NRXN1: variants seen among roughly 807,000 people sequenced by gnomAD.
NRXN1 encodes the protein neurexin 1.
A neutral mutation model predicts 150.9 loss-of-function variants in NRXN1; 39 were observed. That is an observed-to-expected ratio of 0.26 (90% CI 0.20 to 0.34). NRXN1 has a LOEUF of 0.34. Among genes scored for constraint, NRXN1 ranks in the 10% least tolerant of loss-of-function variants. The pLI is 1.00. For synonymous variants in NRXN1, 924 were observed against 757.0 expected (o/e 1.22, Z -3.62); for missense variants, 1,815 against 1,949.9 (o/e 0.93, Z 1.30).
chr2:50,929,867 T>G (rs1416508197), intron 2 of NRXN1, among the ~76,000 whole-genome samples: 1 of 152,030 alleles, frequency 6.6e-6, no homozygotes, highest in Non-Finnish European at 1.5e-5. Flanking sequence ...TTAAAAAACC[T>G]CAATAGTCTG....
chr2:50,969,596 T>G (rs1157764915), intron 2 of NRXN1, among the ~76,000 whole-genome samples: 1 of 152,210 alleles, frequency 6.6e-6, no homozygotes, highest in African/African-American at 2.4e-5. Context: ...TATTTACTAT[T>G]TAAGCAGTTG....
intron 17 of NRXN1, among the ~76,000 whole-genome samples, chr2:50,243,046 G>A (rs2066165589): frequency 6.6e-6 from 1 of 151,698 alleles, no homozygotes; most frequent in Non-Finnish European, 1.5e-5. Context: ...CAGCAACATA[G>A]GTCAACAGAT....
chr2:50,767,734 C>T (rs1034907045), intron 5 of NRXN1, among the ~76,000 whole-genome samples: 1 of 152,002 alleles, frequency 6.6e-6, no homozygotes, highest in Non-Finnish European at 1.5e-5. Context: ...TGAGTTTGTT[C>T]AAATTCACCT....
chr2:50,725,498 C>T (rs927935850), intron 5 of NRXN1, among the ~76,000 whole-genome samples: 3 of 152,054 alleles, frequency 2.0e-5, no homozygotes, highest in African/African-American at 7.2e-5. Flanking sequence ...TCAGAAACAG[C>T]AAGTAAATTG....
At chr2:50,393,037 T>C (rs1158919928) in intron 17 of NRXN1, among the ~76,000 whole-genome samples, 1 of 152,026 alleles carries the variant, frequency 6.6e-6, no homozygotes, top group African/African-American at 2.4e-5. Context: ...AGAACTATAA[T>C]GGATAAATTG....
At chr2:49,927,970 T>C (rs953587259) in intron 22 of NRXN1, among the ~76,000 whole-genome samples, 11 of 152,148 alleles carry the variant, frequency 7.2e-5, no homozygotes, top group Non-Finnish European at 1.3e-4. Context: ...TGTTAATGTA[T>C]GTGTATGTCG....
chr2:50,934,960 C>T (rs1688300306), intron 2 of NRXN1, among the ~76,000 whole-genome samples: 1 of 152,090 alleles, frequency 6.6e-6, no homozygotes, highest in Non-Finnish European at 1.5e-5. Context: ...AAACGCTGAA[C>T]CTATTTTGAT....
At chr2:51,019,787 C>A (rs1172384517) in intron 2 of NRXN1, among the ~76,000 whole-genome samples, 1 of 151,966 alleles carries the variant, frequency 6.6e-6, no homozygotes, top group African/African-American at 2.4e-5. Context: ...TATTTCTAAA[C>A]ATTATAAAGA....
intron 5 of NRXN1, among the ~76,000 whole-genome samples, chr2:50,626,174 T>C (rs12613051): frequency 0.61 from 92,510 of 151,744 alleles, 28,428 homozygotes; most frequent in East Asian, 0.74. Flanking sequence ...TTGGAAAGAA[T>C]TTAGAGTTCT....
chr2:50,893,794 A>G (rs927506999), intron 5 of NRXN1, among the ~76,000 whole-genome samples: 1 of 152,058 alleles, frequency 6.6e-6, no homozygotes, highest in Non-Finnish European at 1.5e-5. Flanking sequence ...TTTTTTCAAC[A>G]ATTTATTAAA....
chr2:49,988,982 A>G (rs548107709), intron 21 of NRXN1, among the ~76,000 whole-genome samples: 6 of 152,340 alleles, frequency 3.9e-5, no homozygotes, highest in Admixed American at 3.9e-4. Context: ...TACAGTGGGA[A>G]TCTGAAGCAT....
intron 17 of NRXN1, among the ~76,000 whole-genome samples, chr2:50,287,443 T>G (rs1290597934): frequency 6.6e-6 from 1 of 152,162 alleles, no homozygotes; most frequent in Non-Finnish European, 1.5e-5. Flanking sequence ...AATTTCCATT[T>G]TAATGCTTTT....
Position 50,346,909 on chromosome 2 carries a change from G to A in NRXN1, c.3365-109939C>T, listed in dbSNP as rs766942777. ...GCCGCCGCCGCCGCCGCCCCCGGGC[G>A]AGCCCAGCTCGGCGCCGCACCGGAG... On this transcript the variant is annotated intron_variant, in intron 17 of 22. Transcript: ENST00000401669. This position sits in a 1 kb window ranked among gnomAD's most constrained non-coding sequence, Gnocchi z 5.0. 3.8e-4 allele frequency: 498 copies of A among 1,295,284 alleles called. No individual in the cohort carries two copies. Among genetic ancestry groups the A allele is most frequent in the Middle Eastern group, 2.3e-3 (8 of 3,476 alleles). The allele number at this position is 1,295,284 out of a possible 1,614,324, so 80.2% of individuals were successfully genotyped here.
chr2:50,470,393 T>C (rs2089344349), intron 16 of NRXN1, among the ~76,000 whole-genome samples: 1 of 151,710 alleles, frequency 6.6e-6, no homozygotes, highest in Non-Finnish European at 1.5e-5. Flanking sequence ...TAAAGAAATA[T>C]ACTAATAACA....
chr2:50,324,324 G>T (rs1052230778), intron 17 of NRXN1, among the ~76,000 whole-genome samples: 14 of 152,154 alleles, frequency 9.2e-5, no homozygotes, highest in African/African-American at 3.4e-4. Context: ...TAAATGGAAA[G>T]GTTTTGAGCC....
intron 17 of NRXN1, among the ~76,000 whole-genome samples, chr2:50,462,867 C>G (rs1558773899): frequency 1.3e-5 from 2 of 151,732 alleles, no homozygotes; most frequent in Admixed American, 1.3e-4. Flanking sequence ...TTACCCTAAC[C>G]CACTCTATAA....
intron 6 of NRXN1, among the ~76,000 whole-genome samples, chr2:50,621,902 A>G (rs1489415545): frequency 6.6e-6 from 1 of 152,192 alleles, no homozygotes; most frequent in East Asian, 1.9e-4. Context: ...CCGGCTGTAT[A>G]ACTACAGTTT....
chr2:50,324,599 T>C (rs1445299262), intron 17 of NRXN1, among the ~76,000 whole-genome samples: 1 of 152,252 alleles, frequency 6.6e-6, no homozygotes, highest in Non-Finnish European at 1.5e-5. Flanking sequence ...TGAAGTGCAG[T>C]GGCGCAATCT....
chr2:50,099,578 CATTATT>C (rs199967071), intron 18 of NRXN1, among the ~76,000 whole-genome samples: 1 of 151,940 alleles, frequency 6.6e-6, no homozygotes, highest in Non-Finnish European at 1.5e-5. Flanking sequence ...TAGCTATTAG[CATTATT>C]ATTATTATTG....
Sources: allele counts gnomAD v4.1 joint callset (sites outside exome capture counted in the v4.1 genomes callset), GRCh38; gene constraint gnomAD v4.1.1; non-coding constraint Gnocchi (gnomAD v3.1); transcripts MANE v1.5; gene names NCBI Gene and HGNC (gene_info 2026-07-23, HGNC 2026-07-21).